The following ELMO1 variants were observed in gnomAD, a reference collection of about 807,000 sequenced individuals.
ELMO1 encodes the protein engulfment and cell motility 1.
ELMO1 carries 26 observed loss-of-function variants against 98.9 expected under a neutral mutation model. The ratio of observed to expected loss-of-function variants is 0.26; its 90% CI spans 0.19 to 0.36. The LOEUF is 0.36. ELMO1 is among the 10% of genes least tolerant of loss of function. The pLI is 1.00. For synonymous variants in ELMO1, 346 were observed against 346.0 expected (o/e 1.00, Z 0.00); for missense variants, 627 against 935.2 (o/e 0.67, Z 4.30).
intron 15 of ELMO1, among the ~76,000 whole-genome samples, chr7:37,087,565 A>G (rs897226449): frequency 6.6e-6 from 1 of 152,088 alleles, no homozygotes; most frequent in Non-Finnish European, 1.5e-5. Context: ...TTTCACATTG[A>G]GCTTATTCAT....
chr7:37,293,308 C>G (rs1167153616), intron 4 of ELMO1, among the ~76,000 whole-genome samples: 1 of 130,176 alleles, frequency 7.7e-6, no homozygotes. Context: ...ATTGAGAAAT[C>G]GGGTGGTTGC....
intron 1 of ELMO1, among the ~76,000 whole-genome samples, chr7:37,392,505 G>A (rs1203466894): frequency 6.6e-6 from 1 of 152,186 alleles, no homozygotes; most frequent in Non-Finnish European, 1.5e-5. Context: ...AGCAGAGGTG[G>A]CCAACCATGA....
chr7:37,071,235 T>C (rs564585973), intron 15 of ELMO1, among the ~76,000 whole-genome samples: 2 of 152,224 alleles, frequency 1.3e-5, no homozygotes, highest in Admixed American at 6.5e-5. Context: ...AACCAGTATA[T>C]TGAGTGGAAG....
chr7:36,855,035 C>T lies in ELMO1; in HGVS notation c.*516G>A, dbSNP rs73689647. ...GGAGAGAGGTGGGAGGAGATTTGAG[C>T]GCAGATCTTAATTCAAGTGTAACTG... On this transcript the variant is annotated 3_prime_UTR_variant, in exon 22 of 22. Coordinates refer to ENST00000310758, the MANE Select transcript of ELMO1 (RefSeq NM_014800.11). This position sits in a 1 kb window ranked among gnomAD's most constrained non-coding sequence, Gnocchi z 4.2. The T allele has an allele frequency of 4.5e-3, 758 of 168,406 alleles. 18 individuals are homozygous for T. In the East Asian group the frequency reaches 0.075, roughly 17 times the overall value. The allele number at this position is 168,406 out of a possible 1,614,324, so 10.4% of individuals were successfully genotyped here.
chr7:37,200,244 A>ATTTT (rs373030810), intron 13 of ELMO1, among the ~76,000 whole-genome samples: 1,558 of 137,526 alleles, frequency 0.011, 42 homozygotes, highest in African/African-American at 0.035. Context: ...AAGCTAATTA[A>ATTTT]TTTTTTTTTT....
chr7:37,239,525 T>G (rs1358989948), intron 7 of ELMO1, among the ~76,000 whole-genome samples: 3 of 152,202 alleles, frequency 2.0e-5, no homozygotes, highest in Admixed American at 1.3e-4. Flanking sequence ...TGAGTCAGTT[T>G]TGATGTGTCA....
intron 1 of ELMO1, among the ~76,000 whole-genome samples, chr7:37,383,901 C>G (rs1379749162): frequency 1.3e-5 from 2 of 152,138 alleles, no homozygotes; most frequent in Non-Finnish European, 2.9e-5. Flanking sequence ...CTGCAAGCTC[C>G]GCATCCCCGG....
chr7:37,401,280 G>C (rs938807270), intron 1 of ELMO1, among the ~76,000 whole-genome samples: 1 of 152,174 alleles, frequency 6.6e-6, no homozygotes, highest in African/African-American at 2.4e-5. Flanking sequence ...GGACATTGAA[G>C]GGATGGGTTC....
chr7:36,902,570 C>A (rs562368047), intron 16 of ELMO1, among the ~76,000 whole-genome samples: 46 of 152,344 alleles, frequency 3.0e-4, no homozygotes, highest in Middle Eastern at 3.4e-3. Context: ...TGGTCCACAG[C>A]AGACTGAAAC....
At chr7:37,344,015 C>A (rs939399883) in intron 1 of ELMO1, among the ~76,000 whole-genome samples, 3 of 147,836 alleles carry the variant, frequency 2.0e-5, no homozygotes, top group African/African-American at 7.5e-5. Context: ...TTGCCACTTT[C>A]TTTATATAAA....
intron 2 of ELMO1, among the ~76,000 whole-genome samples, chr7:37,340,592 C>T (rs1010369439): frequency 2.0e-5 from 3 of 152,008 alleles, no homozygotes; most frequent in African/African-American, 7.3e-5. Flanking sequence ...ATGTGATGTA[C>T]CAATGTCAAT....
At chr7:36,974,313 T>C (rs1220716250) in intron 16 of ELMO1, among the ~76,000 whole-genome samples, 1 of 152,198 alleles carries the variant, frequency 6.6e-6, no homozygotes, top group Non-Finnish European at 1.5e-5. Flanking sequence ...ATCGACACTC[T>C]GTATCTAGCT....
chr7:37,259,145 A>G, intron 6 of ELMO1, 36 bp downstream of exon 6: 2 of 1,583,248 alleles, frequency 1.3e-6, no homozygotes, highest in Non-Finnish European at 1.7e-6. Flanking sequence ...GGAGACACGC[A>G]GGACAGCTGT....
chr7:37,097,038 C>G (rs974843371), intron 14 of ELMO1, among the ~76,000 whole-genome samples: 1 of 152,190 alleles, frequency 6.6e-6, no homozygotes, highest in Non-Finnish European at 1.5e-5. Context: ...AGTGACCAAA[C>G]AACTCTCTTG....
intron 14 of ELMO1, among the ~76,000 whole-genome samples, chr7:37,102,436 GC>G (rs1025186113): frequency 1.3e-5 from 2 of 152,172 alleles, no homozygotes; most frequent in African/African-American, 4.8e-5. Context: ...TAGAAAGTGT[GC>G]CAAGCACACA....
At chr7:37,295,495 C>T (rs1204468807) in intron 4 of ELMO1, among the ~76,000 whole-genome samples, 1 of 152,210 alleles carries the variant, frequency 6.6e-6, no homozygotes, top group Admixed American at 6.5e-5. Context: ...GGATTTCTTA[C>T]ATCTATGCTT....
At chr7:37,406,027 G>A (rs1016738575) in intron 1 of ELMO1, among the ~76,000 whole-genome samples, 4 of 152,186 alleles carry the variant, frequency 2.6e-5, no homozygotes, top group Non-Finnish European at 5.9e-5. Flanking sequence ...TCAAGCTGCA[G>A]AGCTGAGATA....
At chr7:37,037,817 G>A (rs1350915990) in intron 15 of ELMO1, among the ~76,000 whole-genome samples, 1 of 152,114 alleles carries the variant, frequency 6.6e-6, no homozygotes, top group East Asian at 1.9e-4. Flanking sequence ...ACACAGACAC[G>A]TGAATGTATA....
At chr7:37,417,375 A>G (rs1393982729) in intron 1 of ELMO1, among the ~76,000 whole-genome samples, 1 of 152,106 alleles carries the variant, frequency 6.6e-6, no homozygotes, top group Non-Finnish European at 1.5e-5. Flanking sequence ...AAAAATGCAA[A>G]AATTGGCCAG....
Sources: allele counts gnomAD v4.1 joint callset (sites outside exome capture counted in the v4.1 genomes callset), GRCh38; gene constraint gnomAD v4.1.1; non-coding constraint Gnocchi (gnomAD v3.1); transcripts MANE v1.5; gene names NCBI Gene and HGNC (gene_info 2026-07-23, HGNC 2026-07-21).